PTPRN2: variants seen among roughly 807,000 people sequenced by gnomAD.
PTPRN2 encodes protein tyrosine phosphatase receptor type N2.
A neutral mutation model predicts 118.8 loss-of-function variants in PTPRN2; 74 were observed. The observed-to-expected ratio is 0.62, with a 90% CI of 0.52 to 0.76. The LOEUF is 0.76. Among genes scored for constraint, PTPRN2 ranks in the 30% least tolerant of loss-of-function variants. The probability of loss-of-function intolerance (pLI) is 0.00; values close to 1 mark genes in which losing one functional copy is unlikely to be tolerated. For missense variants in PTPRN2, 1,481 were observed against 1,394.4 expected (o/e 1.06, Z -0.99); for synonymous variants, 641 against 608.0 (o/e 1.05, Z -0.80).
At chr7:158,289,356 G>A (rs967043879) in intron 3 of PTPRN2, among the ~76,000 whole-genome samples, 68 of 151,884 alleles carry the variant, frequency 4.5e-4, no homozygotes, top group African/African-American at 1.5e-3. Context: ...CTTCATTCCC[G>A]TTTACTCTTT....
At chr7:157,983,752 C>G (rs1350375734) in intron 11 of PTPRN2, among the ~76,000 whole-genome samples, 1 of 152,210 alleles carries the variant, frequency 6.6e-6, no homozygotes, top group Non-Finnish European at 1.5e-5. Flanking sequence ...CTGAGTTGTT[C>G]TCATGTGGCT....
chr7:157,867,888 C>T (rs1160154149), intron 12 of PTPRN2, among the ~76,000 whole-genome samples: 4 of 152,148 alleles, frequency 2.6e-5, no homozygotes, highest in African/African-American at 7.2e-5. Flanking sequence ...GGGCCGCAGG[C>T]GTGGTGGAGG....
chr7:158,242,551 ATC>A (rs1322966446), intron 3 of PTPRN2, among the ~76,000 whole-genome samples: 1 of 152,128 alleles, frequency 6.6e-6, no homozygotes, highest in Non-Finnish European at 1.5e-5. Flanking sequence ...GCCTCGTAAA[ATC>A]TGTTTGGAAG....
intron 2 of PTPRN2, among the ~76,000 whole-genome samples, chr7:158,384,667 C>A (rs1382967002): frequency 1.3e-5 from 2 of 152,152 alleles, no homozygotes; most frequent in African/African-American, 4.8e-5. Context: ...AATGAACCTT[C>A]CCTTCATCAA....
At chr7:157,741,384 C>T (rs1800624550) in intron 12 of PTPRN2, among the ~76,000 whole-genome samples, 1 of 152,244 alleles carries the variant, frequency 6.6e-6, no homozygotes, top group Non-Finnish European at 1.5e-5. Context: ...GTGGACCTCC[C>T]TCCCATGGGT....
At chr7:158,175,342 G>GCAGCTC (rs1824090747) in intron 5 of PTPRN2, among the ~76,000 whole-genome samples, 1 of 152,190 alleles carries the variant, frequency 6.6e-6, no homozygotes, top group Non-Finnish European at 1.5e-5. Flanking sequence ...TGGGAACGCT[G>GCAGCTC]CAGCTCCGGC....
chr7:158,494,042 A>AT (rs1349252782), intron 1 of PTPRN2, among the ~76,000 whole-genome samples: 17 of 152,210 alleles, frequency 1.1e-4, no homozygotes, highest in Non-Finnish European at 1.6e-4. Flanking sequence ...CCTTCTCAAG[A>AT]TGAAAATGGA....
chr7:157,854,352 G>A (rs147615032), intron 12 of PTPRN2, among the ~76,000 whole-genome samples: 2 of 152,340 alleles, frequency 1.3e-5, no homozygotes, highest in East Asian at 3.9e-4. Context: ...GTCTGCCCAC[G>A]TCTCTCCAGC....
intron 11 of PTPRN2, among the ~76,000 whole-genome samples, chr7:157,949,202 G>T (rs905764849): frequency 5.3e-5 from 8 of 152,218 alleles, no homozygotes; most frequent in Admixed American, 5.2e-4. Flanking sequence ...AGGGACTCAC[G>T]TAGGATCCAA....
At chr7:157,569,001 G>T (rs55645555) in intron 20 of PTPRN2, 35 bp from the exon 21 acceptor site, 62 of 1,523,058 alleles carry the variant, frequency 4.1e-5, no homozygotes, top group Non-Finnish European at 5.5e-5. Context: ...AAGTGCTGCC[G>T]TCCACACGGA....
At chr7:158,561,799 C>G (rs1827402117) in intron 1 of PTPRN2, among the ~76,000 whole-genome samples, 1 of 152,234 alleles carries the variant, frequency 6.6e-6, no homozygotes, top group Admixed American at 6.5e-5. Flanking sequence ...CAGGACCAAA[C>G]TCTCACTAGG....
intron 11 of PTPRN2, among the ~76,000 whole-genome samples, chr7:157,968,380 A>C (rs1802089422): frequency 6.6e-6 from 1 of 152,178 alleles, no homozygotes; most frequent in Admixed American, 6.5e-5. Context: ...GCTGACTGGC[A>C]TCGTCTGCAG....
chr7:158,369,708 G>T (rs1809812070), intron 2 of PTPRN2, among the ~76,000 whole-genome samples: 1 of 152,194 alleles, frequency 6.6e-6, no homozygotes. Context: ...GAAAAACCAT[G>T]TGAGAGCCAC....
In PTPRN2 at chr7:158,251,613, G is replaced by A. The variant is rs563062924; in HGVS notation, c.278-46340C>T. ...TGTCTATGGTGCATGTGGGGCGTGT[G>A]CAGGTGTGCAATGGATGTCTATGGT... On this transcript the variant is annotated intron_variant, in intron 3 of 22. Transcript: ENST00000389418. Among the ~76,000 whole-genome samples the A allele has an allele frequency of 3.3e-3, 496 of 148,070 alleles. 2 individuals carry two copies. The highest frequency in any genetic ancestry group is 0.012 in the African/African-American group (472 of 39,570).
At chr7:157,757,235 G>A (rs1222465212) in intron 12 of PTPRN2, among the ~76,000 whole-genome samples, 1 of 149,932 alleles carries the variant, frequency 6.7e-6, no homozygotes, top group Non-Finnish European at 1.5e-5. Flanking sequence ...GGCCATGGGT[G>A]AAGGCTGAGT....
intron 3 of PTPRN2, among the ~76,000 whole-genome samples, chr7:158,249,236 T>C (rs1585979309): frequency 6.6e-6 from 1 of 151,010 alleles, no homozygotes; most frequent in Non-Finnish European, 1.5e-5. Context: ...CATACACGTA[T>C]CTACCACACA....
chr7:157,906,119 C>G (rs181745208), intron 11 of PTPRN2, among the ~76,000 whole-genome samples: 1 of 152,232 alleles, frequency 6.6e-6, no homozygotes. Context: ...CAGGATTCCC[C>G]GTGCATGTCA....
Position 157,540,565 on chromosome 7 carries a change from CT to C in PTPRN2, c.*148del. ...TATTGTTTGATTAAACAAAAATACA[CT>C]TTTAACTGCTAAACTGCGCTGACTA... On this transcript the variant is annotated 3_prime_UTR_variant, in exon 23 of 23. Coordinates refer to ENST00000389418, the MANE Select transcript of PTPRN2 (RefSeq NM_002847.5). 2 of 524,626 alleles carry C rather than the reference CT, an allele frequency of 3.8e-6. No individual in the cohort carries two copies. The highest frequency in any genetic ancestry group is 1.1e-4 in the South Asian group (2 of 18,284). 32.5% of individuals were successfully genotyped at this position (524,626 alleles called of 1,614,324 possible). A position where few individuals can be genotyped will look rare whatever the true frequency, so the allele number is the denominator to read the frequency against.
intron 21 of PTPRN2, among the ~76,000 whole-genome samples, chr7:157,549,601 G>A (rs1053013028): frequency 6.6e-6 from 1 of 152,186 alleles, no homozygotes; most frequent in East Asian, 1.9e-4. Context: ...AGACAGCACC[G>A]ATCTCACGGC....
Sources: allele counts gnomAD v4.1 joint callset (sites outside exome capture counted in the v4.1 genomes callset), GRCh38; gene constraint gnomAD v4.1.1; transcripts MANE v1.5; gene names NCBI Gene and HGNC (gene_info 2026-07-23, HGNC 2026-07-21).